The following DISC1 variants were observed in gnomAD, a reference collection of about 807,000 sequenced individuals.
DISC1 encodes DISC1 scaffold protein.
Under a neutral mutation model 84.5 loss-of-function variants are expected in DISC1, and 57 were observed. That is an observed-to-expected ratio of 0.67 (90% confidence interval 0.55 to 0.84). The LOEUF (loss-of-function observed/expected upper bound fraction) is 0.84. DISC1 is among the 40% of genes least tolerant of loss of function. The pLI, the probability that DISC1 is intolerant of heterozygous loss-of-function variation, is 0.00. For missense variants in DISC1, 1,000 were observed against 1,057.8 expected (o/e 0.95, Z 0.76); for synonymous variants, 411 against 415.2 (o/e 0.99, Z 0.12).
chr1:231,844,777 A>G (rs1056484071), intron 9 of DISC1, among the ~76,000 whole-genome samples: 19 of 151,904 alleles, frequency 1.3e-4, no homozygotes, highest in Non-Finnish European at 2.6e-4. Flanking sequence ...TACAAAAAAA[A>G]TTAGCCGGAC....
intron 8 of DISC1, among the ~76,000 whole-genome samples, chr1:231,812,070 T>A (rs2080356954): frequency 6.6e-6 from 1 of 152,088 alleles, no homozygotes; most frequent in Non-Finnish European, 1.5e-5. Context: ...GGTATTTTTT[T>A]TAAGGGATGG....
At position 231,694,376 on chromosome 1, in the gene DISC1, T is replaced by C. The variant is rs2065393384; in HGVS notation, c.618T>C (p.Phe206=). ...CCCCTCCTGGCTCTCACAGTGCCTT[T>C]ACCTCAAGCTTTAGCTTTATTCGGC... ...PPTPPGSHSA[F]TSSFSFIRLS... Residue 206 remains phenylalanine (F), a synonymous_variant, in exon 2 of 13, where the codon TTT becomes TTC. Transcript: ENST00000439617. 1 of 1,614,244 alleles carries C rather than the reference T, an allele frequency of 6.2e-7. No homozygotes were observed. The highest frequency in any genetic ancestry group is 8.5e-7 in the Non-Finnish European group (1 of 1,180,036).
intron 9 of DISC1, among the ~76,000 whole-genome samples, chr1:231,836,738 G>A (rs1206834101): frequency 1.3e-5 from 2 of 152,044 alleles, no homozygotes; most frequent in Non-Finnish European, 1.5e-5. Flanking sequence ...TTCCTTCCAT[G>A]CCTAATCAGG....
chr1:231,948,542 C>T (rs920557377), intron 9 of DISC1, among the ~76,000 whole-genome samples: 8 of 151,638 alleles, frequency 5.3e-5, no homozygotes, highest in Admixed American at 1.3e-4. Flanking sequence ...CACCGTGGCA[C>T]GTGTATATCT....
intron 9 of DISC1, among the ~76,000 whole-genome samples, chr1:231,923,355 C>T (rs2090134814): frequency 6.6e-6 from 1 of 151,972 alleles, no homozygotes; most frequent in South Asian, 2.1e-4. Context: ...CTGAGCCCTC[C>T]TGGCAGGTAG....
At position 231,694,035 on chromosome 1, in the gene DISC1, C is replaced by A; in HGVS notation, c.277C>A (p.Leu93Ile). ...ACAGTGTGGCCTTGACTCGAGAGGCCTCTTGGTCCGGAGCCCTGTTTCCAA... is the reference window on the plus strand; with the variant it reads ...ACAGTGTGGCCTTGACTCGAGAGGCATCTTGGTCCGGAGCCCTGTTTCCAA... ...ARQCGLDSRG[L>I]LVRSPVSKSA... Residue 93 changes from leucine (L) to isoleucine (I), a missense_variant, in exon 2 of 13, where the codon CTC (leucine) becomes ATC (isoleucine). This residue lies in a region of DISC1 where 292 missense variants were observed against 280.2 expected (regional missense o/e 1.04). Transcript: ENST00000439617. 6.2e-7 allele frequency: 1 copy of A among 1,614,200 alleles called. No individual in the cohort carries two copies. The highest frequency in any genetic ancestry group is 1.3e-5 in the African/African-American group (1 of 75,058).
intron 9 of DISC1, among the ~76,000 whole-genome samples, chr1:231,941,442 G>A (rs1236291669): frequency 6.6e-6 from 1 of 151,654 alleles, no homozygotes; most frequent in Non-Finnish European, 1.5e-5. Flanking sequence ...TGTATGGAGA[G>A]CCCACCATGG....
intron 3 of DISC1, among the ~76,000 whole-genome samples, chr1:231,710,356 A>G (rs769289320): frequency 4.0e-5 from 6 of 151,782 alleles, no homozygotes; most frequent in Non-Finnish European, 8.8e-5. Context: ...AAAAACAAAA[A>G]CAAACAAACA....
At chr1:231,804,218 A>G (rs777307931) in intron 8 of DISC1, among the ~76,000 whole-genome samples, 12 of 152,156 alleles carry the variant, frequency 7.9e-5, no homozygotes, top group Non-Finnish European at 1.6e-4. Context: ...GGGCCACTAT[A>G]ACAAGTCTCA....
chr1:231,644,862 C>T (rs1328439773), intron 1 of DISC1, among the ~76,000 whole-genome samples: 2 of 151,872 alleles, frequency 1.3e-5, no homozygotes, highest in Admixed American at 6.6e-5. Flanking sequence ...GCATTTAGCA[C>T]GTGGACTCTC....
chr1:231,899,761 G>T lies in DISC1; in HGVS notation c.1982-59067G>T, dbSNP rs977946914. Among the ~76,000 whole-genome samples, 3 of 152,266 alleles carry T rather than the reference G, an allele frequency of 2.0e-5. No individual in the cohort carries two copies. In the South Asian group the frequency reaches 6.2e-4, roughly 32 times the overall value. ...ATTATTGTTTTCTGGCGAGTCTGTCGTGTAATCCAGTAATTGCAATAAAAG... is the reference window on the plus strand; with the variant it reads ...ATTATTGTTTTCTGGCGAGTCTGTCTTGTAATCCAGTAATTGCAATAAAAG... On this transcript the variant is annotated intron_variant, in intron 9 of 12. Coordinates refer to ENST00000439617, the MANE Select transcript of DISC1 (RefSeq NM_018662.3).
Position 232,009,702 on chromosome 1 carries a change from C to T in DISC1, c.2307+653C>T. On this transcript the variant is annotated intron_variant, in intron 11 of 12. Coordinates refer to ENST00000439617, the MANE Select transcript of DISC1 (RefSeq NM_018662.3). The surrounding 1 kb of genome is among the most constrained non-coding windows in gnomAD (Gnocchi z 4.6). ...TCCTCTCTCCCTTCCCCTTCCACTC[C>T]TCACTTTCCTCCTCCCACCCTAACA... 1 of 675,354 alleles carries T rather than the reference C, an allele frequency of 1.5e-6. No individual in the cohort carries two copies. The highest frequency in any genetic ancestry group is 1.8e-6 in the Non-Finnish European group (1 of 547,322). The allele number at this position is 675,354 out of a possible 1,614,324, so 41.8% of individuals were successfully genotyped here. A position where few individuals can be genotyped will look rare whatever the true frequency, so the allele number is the denominator to read the frequency against.
intron 6 of DISC1, among the ~76,000 whole-genome samples, chr1:231,790,203 CTT>C (rs2078224242): frequency 6.6e-6 from 1 of 152,152 alleles, no homozygotes; most frequent in Non-Finnish European, 1.5e-5. Flanking sequence ...AGTAGCAACT[CTT>C]TTTACCTGGA....
chr1:232,005,505 A>G (rs969992946), intron 10 of DISC1, among the ~76,000 whole-genome samples: 3 of 152,084 alleles, frequency 2.0e-5, no homozygotes, highest in African/African-American at 7.2e-5. Flanking sequence ...TTTCATTATG[A>G]TGGGCCTAGG....
chr1:231,661,463 C>G (rs2061557892), intron 1 of DISC1, among the ~76,000 whole-genome samples: 1 of 151,938 alleles, frequency 6.6e-6, no homozygotes, highest in South Asian at 2.1e-4. Flanking sequence ...TTTCTCTATT[C>G]TTGTCTGCCT....
At chr1:231,842,575 C>T (rs1308590683) in intron 9 of DISC1, among the ~76,000 whole-genome samples, 1 of 152,174 alleles carries the variant, frequency 6.6e-6, no homozygotes, top group Non-Finnish European at 1.5e-5. Flanking sequence ...CAAACATATT[C>T]CTTCCTAAAT....
At position 232,026,482 on chromosome 1, in the gene DISC1, A is replaced by T. The variant is rs564821383; in HGVS notation, c.2355A>T (p.Ile785=). The change falls in exon 12 of 13, where the codon ATA becomes ATT. Residue 785 remains isoleucine, a synonymous_variant. Coordinates refer to ENST00000439617, the MANE Select transcript of DISC1 (RefSeq NM_018662.3). ...SAELGEKCED[I]GKKLLYLEDQ... ...AACTTGGAGAAAAGTGTGAAGACAT[A>T]GGCAAGAAGCTATTGTACTTGGAAG... The T allele has an allele frequency of 1.2e-6, 2 of 1,608,758 alleles. No individual in the cohort carries two copies. Among genetic ancestry groups the T allele is most frequent in the East Asian group, 2.2e-5 (1 of 44,806 alleles).
intron 9 of DISC1, among the ~76,000 whole-genome samples, chr1:231,904,197 G>T (rs755076676): frequency 6.6e-6 from 1 of 152,188 alleles, no homozygotes; most frequent in African/African-American, 2.4e-5. Context: ...AGGTTTGGCA[G>T]CCCAGAAATT....
chr1:231,740,746 GT>G (rs2125259945), intron 3 of DISC1, among the ~76,000 whole-genome samples: 1 of 152,276 alleles, frequency 6.6e-6, no homozygotes, highest in East Asian at 1.9e-4. Context: ...ATTCATTTAT[GT>G]TTTTTGTACA....
Sources: gnomAD v4.1 joint callset for allele counts (sites outside exome capture counted in the v4.1 genomes callset) on GRCh38, gnomAD v4.1.1 for gene constraint, gnomAD v4.1.1 regional missense constraint, Gnocchi (gnomAD v3.1) non-coding constraint, MANE v1.5 for transcripts, NCBI Gene and HGNC (gene_info 2026-07-23, HGNC 2026-07-21) for gene names.